DTNA: variants seen among roughly 807,000 people sequenced by gnomAD.
The protein encoded by DTNA is dystrophin-related protein 3.
A neutral mutation model predicts 100.7 loss-of-function variants in DTNA; 43 were observed. That is an observed-to-expected ratio of 0.43 (90% CI 0.33 to 0.55). The LOEUF (loss-of-function observed/expected upper bound fraction) is 0.55. Among genes scored for constraint, DTNA ranks in the 20% least tolerant of loss-of-function variants. The pLI, the probability that DTNA is intolerant of heterozygous loss-of-function variation, is 0.04. For synonymous variants in DTNA, 349 were observed against 347.9 expected (o/e 1.00, Z -0.04); for missense variants, 798 against 953.9 (o/e 0.84, Z 2.15).
chr18:34,722,104 T>G (rs2146985088), intron 1 of DTNA, among the ~76,000 whole-genome samples: 1 of 152,314 alleles, frequency 6.6e-6, no homozygotes, highest in Middle Eastern at 3.4e-3. Flanking sequence ...TCATTTAAAA[T>G]TGTATTAAAA....
chr18:34,578,742 G>T (rs1567943152), intron 1 of DTNA, among the ~76,000 whole-genome samples: 1 of 151,992 alleles, frequency 6.6e-6, no homozygotes, highest in Non-Finnish European at 1.5e-5. Flanking sequence ...CCCACTTTAT[G>T]TTTTTGTTTG....
chr18:34,713,849 T>A (rs1332704003), intron 1 of DTNA, among the ~76,000 whole-genome samples: 1 of 151,804 alleles, frequency 6.6e-6, no homozygotes, highest in Non-Finnish European at 1.5e-5. Context: ...CCCTTGTAAG[T>A]TGGATTCCTA....
At chr18:34,523,737 T>TC (rs1331682719) in intron 1 of DTNA, among the ~76,000 whole-genome samples, 1 of 152,160 alleles carries the variant, frequency 6.6e-6, no homozygotes, top group Non-Finnish European at 1.5e-5. Context: ...AGCTCAAACT[T>TC]CAAGATCATT....
chr18:34,697,655 T>C (rs1023858229), intron 1 of DTNA, among the ~76,000 whole-genome samples: 9 of 152,084 alleles, frequency 5.9e-5, no homozygotes, highest in African/African-American at 2.2e-4. Context: ...AAGGCCTAAT[T>C]GTGCACCGGG....
chr18:34,692,867 C>T (rs1389781310), intron 1 of DTNA, among the ~76,000 whole-genome samples: 1 of 151,868 alleles, frequency 6.6e-6, no homozygotes, highest in Non-Finnish European at 1.5e-5. Flanking sequence ...GTCTCTCTTT[C>T]TTTTTTCTCC....
chr18:34,571,266 A>G lies in DTNA; in HGVS notation c.-2+77752A>G, dbSNP rs141285395. ...TTCTGAGTAAGAGGCACAGTCCTCCATATTTAACTTTAAGTCTCATCAGTA... is the reference window on the plus strand; with the variant it reads ...TTCTGAGTAAGAGGCACAGTCCTCCGTATTTAACTTTAAGTCTCATCAGTA... On this transcript the variant is annotated intron_variant, in intron 1 of 19. Transcript: ENST00000283365. 9.3e-4 allele frequency among the ~76,000 whole-genome samples: 141 copies of G among 152,330 alleles called. 2 individuals carry two copies. The South Asian group carries it at 0.013, about 14-fold the overall frequency.
intron 4 of DTNA, among the ~76,000 whole-genome samples, chr18:34,797,911 A>G (rs1445399678): frequency 6.6e-6 from 1 of 152,210 alleles, no homozygotes. Context: ...CTTCTTATGA[A>G]CAGCACCTGA....
chr18:34,815,738 T>A lies in DTNA; in HGVS notation c.604-171T>A, dbSNP rs1210486083. 4 of 624,416 alleles carry A rather than the reference T, an allele frequency of 6.4e-6. No homozygotes were observed. In the East Asian group the frequency reaches 1.2e-4, roughly 18 times the overall value. 38.7% of individuals were successfully genotyped at this position (624,416 alleles called of 1,614,324 possible). A position where few individuals can be genotyped will look rare whatever the true frequency, so the allele number is the denominator to read the frequency against. ...CTGCTTAGGTATAAAAAGCAAACGA[T>A]GTTTTCAGTTCTAAACTAGTTTAAT... is the stretch of plus-strand genomic sequence containing the variant. On this transcript the variant is annotated intron_variant, in intron 6 of 22. Transcript: ENST00000444659.
At chr18:34,861,137 A>C (rs1358360422) in intron 16 of DTNA, among the ~76,000 whole-genome samples, 4 of 152,164 alleles carry the variant, frequency 2.6e-5, no homozygotes, top group Non-Finnish European at 5.9e-5. Flanking sequence ...TATGGTATTT[A>C]ATATAAACCC....
intron 1 of DTNA, among the ~76,000 whole-genome samples, chr18:34,753,385 TTTTTA>T (rs1568413334): frequency 0.011 from 104 of 9,554 alleles, 3 homozygotes; most frequent in African/African-American, 0.038. Context: ...TTTTTTTTAT[TTTTTA>T]TTTTTTTTTT....
At chr18:34,790,389 T>C (rs1173773833) in intron 3 of DTNA, among the ~76,000 whole-genome samples, 2 of 146,952 alleles carry the variant, frequency 1.4e-5, no homozygotes, top group East Asian at 3.9e-4. Flanking sequence ...CCCAGAAAGA[T>C]ATCCTTGAGG....
chr18:34,821,493 GA>G (rs1378189029), intron 9 of DTNA: 5 of 456,468 alleles, frequency 1.1e-5, no homozygotes, highest in African/African-American at 6.0e-5. Context: ...TTTCGTGGCA[GA>G]AGGTGTTGGG....
chr18:34,718,282 G>T (rs1002359092), intron 1 of DTNA, among the ~76,000 whole-genome samples: 1 of 152,152 alleles, frequency 6.6e-6, no homozygotes, highest in Non-Finnish European at 1.5e-5. Flanking sequence ...TGTAACTGAG[G>T]TGGAAACTTA....
At chr18:34,517,357 C>G (rs989827266) in intron 1 of DTNA, among the ~76,000 whole-genome samples, 2 of 151,760 alleles carry the variant, frequency 1.3e-5, no homozygotes, top group Non-Finnish European at 2.9e-5. Context: ...CCCAATTTAC[C>G]CAATGGTAAC....
chr18:34,650,888 A>G (rs1359118468), intron 1 of DTNA, among the ~76,000 whole-genome samples: 1 of 151,982 alleles, frequency 6.6e-6, no homozygotes, highest in Non-Finnish European at 1.5e-5. Context: ...TTATAGTTCT[A>G]CTACCCTGAA....
chr18:34,692,736 G>C (rs567498029), intron 1 of DTNA, among the ~76,000 whole-genome samples: 2 of 152,102 alleles, frequency 1.3e-5, no homozygotes, highest in Non-Finnish European at 2.9e-5. Flanking sequence ...AATCTTCTTC[G>C]TTGATGTGCA....
chr18:34,847,979 G>GA (rs1354830188), intron 13 of DTNA, among the ~76,000 whole-genome samples: 2 of 152,138 alleles, frequency 1.3e-5, no homozygotes, highest in African/African-American at 2.4e-5. Flanking sequence ...AAAAAGGAAA[G>GA]AAAAAATGTT....
Position 34,794,270 on chromosome 18 carries a change from C to T in DTNA, c.362+20C>T. On this transcript the variant is annotated intron_variant, in intron 4 of 22. Coordinates refer to ENST00000444659, the MANE Select transcript of DTNA (RefSeq NM_001386795.1). ...TGATCCGTAAGCACCCTCTGAATGTCTGTTCCTCTCTACATGTTTGGCTTT... is the reference window on the plus strand; with the variant it reads ...TGATCCGTAAGCACCCTCTGAATGTTTGTTCCTCTCTACATGTTTGGCTTT... 6.2e-7 allele frequency: 1 copy of T among 1,613,760 alleles called. No homozygotes were observed. Among genetic ancestry groups the T allele is most frequent in the Non-Finnish European group, 8.5e-7 (1 of 1,179,722 alleles).
At chr18:34,589,756 A>T (rs77876927) in intron 1 of DTNA, among the ~76,000 whole-genome samples, 2 of 152,090 alleles carry the variant, frequency 1.3e-5, no homozygotes, top group East Asian at 3.9e-4. Flanking sequence ...GTACCTTTTG[A>T]TCTATATCTT....
Sources: gnomAD v4.1 joint callset for allele counts (sites outside exome capture counted in the v4.1 genomes callset) on GRCh38, gnomAD v4.1.1 for gene constraint, MANE v1.5 for transcripts, NCBI Gene and HGNC (gene_info 2026-07-23, HGNC 2026-07-21) for gene names.